The following CSMD1 variants were observed in gnomAD, a reference collection of about 807,000 sequenced individuals.
CSMD1 encodes the protein CUB and Sushi multiple domains 1.
Under a neutral mutation model 417.5 loss-of-function variants are expected in CSMD1, and 213 were observed. The ratio of observed to expected loss-of-function variants is 0.51; its 90% CI spans 0.46 to 0.57. The LOEUF (loss-of-function observed/expected upper bound fraction) is 0.57. Ranked by LOEUF, CSMD1 falls within the 20% of genes least tolerant of loss-of-function variation. The probability of loss-of-function intolerance (pLI) is 0.00; values close to 1 mark genes in which losing one functional copy is unlikely to be tolerated. For synonymous variants in CSMD1, 2,862 were observed against 1,736.8 expected, an observed-to-expected ratio of 1.65 and a Z score of -16.11; for missense variants, 6,923 against 4,529.7, an observed-to-expected ratio of 1.53 and a Z score of -15.17.
rs191024222 is a variant in CSMD1 at position 4,065,218 on chromosome 8, T to C, written c.416-33119A>G. Among the ~76,000 whole-genome samples the C allele has an allele frequency of 5.4e-3, 826 of 152,280 alleles. 5 individuals are homozygous for C. Among genetic ancestry groups the C allele is most frequent in the African/African-American group, 0.019 (783 of 41,558 alleles). On this transcript the variant is annotated intron_variant, in intron 3 of 69. Transcript: ENST00000635120. The stretch of plus-strand genomic sequence containing the variant: ...CATAACTTCTTATGAAAGAAAATAG[T>C]CCTAAACACATAAACAATTACAGTG...
intron 2 of CSMD1, among the ~76,000 whole-genome samples, chr8:4,630,991 G>A (rs1802477131): frequency 1.3e-5 from 2 of 152,148 alleles, no homozygotes; most frequent in South Asian, 2.1e-4. Context: ...TGAGGCTGGT[G>A]TCCCTATAAA....
intron 7 of CSMD1, among the ~76,000 whole-genome samples, chr8:3,692,465 G>A (rs1364515710): frequency 6.7e-6 from 1 of 149,976 alleles, no homozygotes; most frequent in East Asian, 1.9e-4. Flanking sequence ...TTTTTGAGAC[G>A]GAGTCTCCCT....
intron 7 of CSMD1, among the ~76,000 whole-genome samples, chr8:3,642,156 C>T (rs1797340056): frequency 6.6e-6 from 1 of 151,532 alleles, no homozygotes; most frequent in Non-Finnish European, 1.5e-5. Context: ...AGATATGATA[C>T]ACAAATATAT....
chr8:3,275,710 G>A (rs916360075), intron 26 of CSMD1, among the ~76,000 whole-genome samples: 1 of 152,084 alleles, frequency 6.6e-6, no homozygotes, highest in African/African-American at 2.4e-5. Flanking sequence ...ATTTCTTCCA[G>A]TTGATCGCAT....
intron 5 of CSMD1, among the ~76,000 whole-genome samples, chr8:3,802,865 T>A (rs763932605): frequency 3.3e-5 from 5 of 152,146 alleles, no homozygotes; most frequent in Admixed American, 2.0e-4. Flanking sequence ...GGCCCTTAGA[T>A]GATGTGGTCT....
At chr8:4,191,360 C>A (rs899666048) in intron 3 of CSMD1, among the ~76,000 whole-genome samples, 6 of 152,028 alleles carry the variant, frequency 3.9e-5, no homozygotes, top group East Asian at 1.9e-4. Context: ...CGCGCCACTG[C>A]ACTCCAGCCT....
intron 5 of CSMD1, among the ~76,000 whole-genome samples, chr8:3,763,192 A>G (rs1021596691): frequency 4.6e-5 from 7 of 152,216 alleles, no homozygotes; most frequent in African/African-American, 1.4e-4. Context: ...GGCCAGTCCC[A>G]CATCATAAAG....
chr8:3,855,814 G>T (rs1563148876), intron 5 of CSMD1, among the ~76,000 whole-genome samples: 1 of 151,994 alleles, frequency 6.6e-6, no homozygotes, highest in South Asian at 2.1e-4. Flanking sequence ...TTACTAGTAG[G>T]GTATTACGTA....
At chr8:3,309,457 G>A (rs529924718) in intron 23 of CSMD1, among the ~76,000 whole-genome samples, 9 of 141,798 alleles carry the variant, frequency 6.3e-5, no homozygotes, top group African/African-American at 1.7e-4. Context: ...ATCAAAATAA[G>A]CTCTTAAACT....
intron 3 of CSMD1, among the ~76,000 whole-genome samples, chr8:4,134,830 G>C (rs1041984430): frequency 6.6e-6 from 1 of 152,126 alleles, no homozygotes; most frequent in Non-Finnish European, 1.5e-5. Context: ...CTTGGCCTTG[G>C]CTGTTGAAAA....
intron 3 of CSMD1, among the ~76,000 whole-genome samples, chr8:4,042,828 A>AAAAAAAAAC (rs1797960968): frequency 7.0e-6 from 1 of 143,588 alleles, no homozygotes; most frequent in South Asian, 2.3e-4. Context: ...AAAAAAAAAA[A>AAAAAAAAAC]AAAAAAAAAA....
In CSMD1 at chr8:3,367,107, C is replaced by T. The variant is rs1043454992; in HGVS notation, c.3040G>A (p.Gly1014Arg). The stretch of plus-strand genomic sequence containing the variant: ...AACCGAAGCTGGGCAGTGAAGTTTC[C>T]AAACAGGCCTGCCTTGATCGTATGA... ...LPHTIKAGLF[G>R]NFTAQLRFIS... Residue 1014 changes from glycine to arginine, a missense_variant, in exon 20 of 70, where the codon GGA (glycine) becomes AGA (arginine). By Grantham distance (125) the Gly-to-Arg change is moderately radical. Coordinates refer to ENST00000635120, the MANE Select transcript of CSMD1 (RefSeq NM_033225.6). 1 of 1,613,710 alleles carries T rather than the reference C, an allele frequency of 6.2e-7. No individual in the cohort carries two copies. Among genetic ancestry groups the T allele is most frequent in the Non-Finnish European group, 8.5e-7 (1 of 1,179,804 alleles).
rs183314299 is a variant in CSMD1, at chr8:4,403,837, G to C, written c.415+16116C>G. ...CTGCTCAAATGGCATCTGCCATTGG[G>C]TGTCTGATTGGGAATTTACATTTAA... is the stretch of plus-strand genomic sequence containing the variant. On this transcript the variant is annotated intron_variant, in intron 3 of 69. Transcript: ENST00000635120. Among the ~76,000 whole-genome samples the C allele has an allele frequency of 2.2e-3, 332 of 152,146 alleles. 1 individual carries two copies. The highest frequency in any genetic ancestry group is 7.8e-3 in the African/African-American group (323 of 41,510).
At chr8:3,706,847 T>C (rs2129039185) in intron 7 of CSMD1, among the ~76,000 whole-genome samples, 1 of 152,338 alleles carries the variant, frequency 6.6e-6, no homozygotes, top group East Asian at 1.9e-4. Flanking sequence ...TGTTAAAATT[T>C]TATTTTTAAA....
At chr8:4,859,702 A>G (rs903792717) in intron 1 of CSMD1, among the ~76,000 whole-genome samples, 1 of 152,072 alleles carries the variant, frequency 6.6e-6, no homozygotes, top group Non-Finnish European at 1.5e-5. Flanking sequence ...AATCAAAACC[A>G]CAATGAGATA....
chr8:3,492,377 C>T (rs374305981), intron 11 of CSMD1, among the ~76,000 whole-genome samples: 1 of 152,246 alleles, frequency 6.6e-6, no homozygotes, highest in East Asian at 1.9e-4. Flanking sequence ...ACCACAGAAA[C>T]TCTCTTTCCC....
chr8:4,841,055 T>C (rs1470286708), intron 1 of CSMD1, among the ~76,000 whole-genome samples: 1 of 152,234 alleles, frequency 6.6e-6, no homozygotes, highest in East Asian at 1.9e-4. Flanking sequence ...GTTCTTCCTG[T>C]ATTCTTTCCT....
intron 7 of CSMD1, among the ~76,000 whole-genome samples, chr8:3,679,371 C>A (rs1432702506): frequency 6.6e-6 from 1 of 152,044 alleles, no homozygotes; most frequent in Non-Finnish European, 1.5e-5. Context: ...CAAAAAAAGG[C>A]AGGGGTTGCA....
At chr8:4,135,746 T>C (rs530213478) in intron 3 of CSMD1, among the ~76,000 whole-genome samples, 3 of 152,150 alleles carry the variant, frequency 2.0e-5, no homozygotes, top group Non-Finnish European at 4.4e-5. Flanking sequence ...ATTTAAAGAA[T>C]TGCTGTGTAA....
Sources: allele counts gnomAD v4.1 joint callset (sites outside exome capture counted in the v4.1 genomes callset), GRCh38; gene constraint gnomAD v4.1.1; transcripts MANE v1.5; gene names NCBI Gene and HGNC (gene_info 2026-07-23, HGNC 2026-07-21).